Variants in LRRC4C observed in about 807,000 individuals in gnomAD.
LRRC4C encodes the protein leucine-rich repeat-containing protein 4C.
A neutral mutation model predicts 33.6 loss-of-function variants in LRRC4C; 5 were observed. The ratio of observed to expected loss-of-function variants is 0.15; its 90% CI spans 0.08 to 0.31. The LOEUF (loss-of-function observed/expected upper bound fraction) is 0.31. Ranked by LOEUF, LRRC4C falls within the 10% of genes least tolerant of loss-of-function variation. LRRC4C has a pLI of 1.00. For missense variants in LRRC4C, 560 were observed against 796.7 expected, an observed-to-expected ratio of 0.70 and a Z score of 3.58; for synonymous variants, 329 against 302.0, an observed-to-expected ratio of 1.09 and a Z score of -0.93.
intron 2 of LRRC4C, among the ~76,000 whole-genome samples, chr11:40,690,510 CAG>C (rs1277191247): frequency 6.6e-6 from 1 of 152,036 alleles, no homozygotes; most frequent in Non-Finnish European, 1.5e-5. Flanking sequence ...GGCGAAAAAA[CAG>C]AAAGTCTCAG....
intron 2 of LRRC4C, among the ~76,000 whole-genome samples, chr11:40,837,114 T>C (rs1952707241): frequency 6.6e-6 from 1 of 152,182 alleles, no homozygotes; most frequent in Admixed American, 6.5e-5. Flanking sequence ...GTACATTTAG[T>C]AGTATTATGT....
intron 3 of LRRC4C, among the ~76,000 whole-genome samples, chr11:40,582,823 ATT>A (rs113091395): frequency 2.0e-5 from 3 of 151,152 alleles, no homozygotes; most frequent in Non-Finnish European, 4.4e-5. Flanking sequence ...AGCCTGTTCA[ATT>A]TTTTTTTAAA....
At chr11:40,748,389 C>T (rs569748848) in intron 2 of LRRC4C, among the ~76,000 whole-genome samples, 1 of 152,028 alleles carries the variant, frequency 6.6e-6, no homozygotes, top group East Asian at 1.9e-4. Context: ...ACTAGACTAG[C>T]CCTACAAGAA....
At chr11:40,967,247 AAGAC>A (rs957845606) in intron 1 of LRRC4C, among the ~76,000 whole-genome samples, 6 of 151,878 alleles carry the variant, frequency 4.0e-5, no homozygotes, top group African/African-American at 1.4e-4. Context: ...AGGGAAAGAG[AAGAC>A]AGAGCAAAAG....
intron 3 of LRRC4C, among the ~76,000 whole-genome samples, chr11:40,334,141 CA>C (rs1484776330): frequency 6.6e-6 from 1 of 152,100 alleles, no homozygotes; most frequent in Admixed American, 6.6e-5. Flanking sequence ...AGTATGTATA[CA>C]GAGGATGCCA....
chr11:40,673,685 G>C (rs1408328484), intron 2 of LRRC4C, among the ~76,000 whole-genome samples: 1 of 152,122 alleles, frequency 6.6e-6, no homozygotes, highest in African/African-American at 2.4e-5. Flanking sequence ...ATATATAAAG[G>C]AGATAAATAA....
intron 3 of LRRC4C, among the ~76,000 whole-genome samples, chr11:40,459,503 A>T (rs1952292236): frequency 6.6e-6 from 1 of 152,182 alleles, no homozygotes; most frequent in African/African-American, 2.4e-5. Context: ...CTGTAATTGA[A>T]AATAATTTCC....
At chr11:41,084,559 T>A (rs921135571) in intron 1 of LRRC4C, among the ~76,000 whole-genome samples, 1 of 152,154 alleles carries the variant, frequency 6.6e-6, no homozygotes, top group Non-Finnish European at 1.5e-5. Flanking sequence ...AAAAATTTTT[T>A]AAAAATTGGC....
chr11:41,157,350 G>C (rs1426370060), intron 1 of LRRC4C, among the ~76,000 whole-genome samples: 3 of 151,998 alleles, frequency 2.0e-5, no homozygotes, highest in Admixed American at 6.6e-5. Context: ...AATTTCCTAA[G>C]AGAAATAAGA....
chr11:40,382,123 A>ATTTTTTTTTTT (rs77934711), intron 3 of LRRC4C, among the ~76,000 whole-genome samples: 50 of 99,986 alleles, frequency 5.0e-4, no homozygotes, highest in Non-Finnish European at 5.8e-4. Flanking sequence ...TGCCCGGCTA[A>ATTTTTTTTTTT]TTTTTTTTTT....
At chr11:40,368,205 T>C (rs969102336) in intron 3 of LRRC4C, among the ~76,000 whole-genome samples, 1 of 152,164 alleles carries the variant, frequency 6.6e-6, no homozygotes, top group Non-Finnish European at 1.5e-5. Flanking sequence ...AAGAAAAATA[T>C]AGGCTATGAG....
At chr11:41,420,228 A>G (rs191096652) in intron 1 of LRRC4C, among the ~76,000 whole-genome samples, 6 of 151,936 alleles carry the variant, frequency 3.9e-5, no homozygotes, top group Non-Finnish European at 8.8e-5. Flanking sequence ...CATTTCTCCA[A>G]AGAGATCCAG....
chr11:41,042,201 G>C (rs1857483222), intron 1 of LRRC4C, among the ~76,000 whole-genome samples: 1 of 152,080 alleles, frequency 6.6e-6, no homozygotes, highest in Admixed American at 6.6e-5. Flanking sequence ...AACCTGTTGG[G>C]TTTCTGAAAT....
At chr11:40,402,271 T>C (rs997471124) in intron 3 of LRRC4C, among the ~76,000 whole-genome samples, 4 of 152,186 alleles carry the variant, frequency 2.6e-5, no homozygotes, top group Admixed American at 1.3e-4. Context: ...AGTAATTCCC[T>C]GGTTGCTTGA....
At chr11:40,579,786 T>G (rs1958385277) in intron 3 of LRRC4C, among the ~76,000 whole-genome samples, 1 of 152,186 alleles carries the variant, frequency 6.6e-6, no homozygotes, top group South Asian at 2.1e-4. Flanking sequence ...CCCTAACTGC[T>G]GGTTCTTCTT....
rs112275404 is a variant in LRRC4C at position 40,130,495 on chromosome 11, A to G, written c.-43+10306T>C. Among the ~76,000 whole-genome samples the G allele has an allele frequency of 8.5e-3, 1,296 of 152,244 alleles. 19 individuals carry two copies. Among genetic ancestry groups the G allele is most frequent in the African/African-American group, 0.03 (1,233 of 41,538 alleles). ...AACATTTTGCAGACTTAGTGTAACA[A>G]CACATGGGAGCCTAGACAATCACAG... is the stretch of plus-strand genomic sequence containing the variant. On this transcript the variant is annotated intron_variant, in intron 6 of 6. Transcript: ENST00000528697.
intron 3 of LRRC4C, among the ~76,000 whole-genome samples, chr11:40,520,299 T>C (rs1955755509): frequency 6.6e-6 from 1 of 152,212 alleles, no homozygotes; most frequent in African/African-American, 2.4e-5. Flanking sequence ...GTAAACTCTT[T>C]GGTGCAGGAG....
At chr11:41,242,411 G>C (rs998670687) in intron 1 of LRRC4C, among the ~76,000 whole-genome samples, 1 of 152,054 alleles carries the variant, frequency 6.6e-6, no homozygotes, top group African/African-American at 2.4e-5. Flanking sequence ...GCATGCAGTG[G>C]GTCAGCAGGT....
At chr11:41,214,724 TGG>T in intron 1 of LRRC4C, among the ~76,000 whole-genome samples, 4 of 148,144 alleles carry the variant, frequency 2.7e-5, no homozygotes, top group African/African-American at 9.9e-5. Flanking sequence ...CACTCCAGCC[TGG>T]GCGACAGAGC....
Sources: gnomAD v4.1 joint callset for allele counts (sites outside exome capture counted in the v4.1 genomes callset) on GRCh38, gnomAD v4.1.1 for gene constraint, MANE v1.5 for transcripts, NCBI Gene and HGNC (gene_info 2026-07-23, HGNC 2026-07-21) for gene names.